KLF12: variants seen among roughly 807,000 people sequenced by gnomAD.
The protein encoded by KLF12 is Krueppel-like factor 12.
Under a neutral mutation model 37.8 loss-of-function variants are expected in KLF12, and 9 were observed. The ratio of observed to expected loss-of-function variants is 0.24; its 90% CI spans 0.14 to 0.42. KLF12 has a LOEUF of 0.42. Ranked by LOEUF, KLF12 falls within the 10% of genes least tolerant of loss-of-function variation. KLF12 has a pLI of 1.00. For synonymous variants in KLF12, 208 were observed against 202.1 expected (o/e 1.03, Z -0.25); for missense variants, 411 against 516.0 (o/e 0.80, Z 1.97).
chr13:74,083,880 C>A (rs1271224784), intron 1 of KLF12, among the ~76,000 whole-genome samples: 1 of 152,082 alleles, frequency 6.6e-6, no homozygotes, highest in Non-Finnish European at 1.5e-5. Flanking sequence ...CTTTGGAAAG[C>A]AGGTTGGCTT....
the KLF12 span, among the ~76,000 whole-genome samples, chr13:74,226,085 A>G: frequency 6.6e-6 from 1 of 152,106 alleles, no homozygotes; most frequent in Admixed American, 6.6e-5. Flanking sequence ...TTTTAAGCAG[A>G]TAAATGGTGG....
At chr13:74,249,653 G>A in the KLF12 span, among the ~76,000 whole-genome samples, 1 of 152,156 alleles carries the variant, frequency 6.6e-6, no homozygotes, top group Non-Finnish European at 1.5e-5. Context: ...GGAAACCTAT[G>A]GAACCTGAAA....
chr13:74,154,683 A>C, the KLF12 span, among the ~76,000 whole-genome samples: 1 of 152,170 alleles, frequency 6.6e-6, no homozygotes, highest in Non-Finnish European at 1.5e-5. Flanking sequence ...TGGATTACCC[A>C]CTAGCTGCGA....
intron 3 of KLF12, among the ~76,000 whole-genome samples, chr13:73,928,955 T>C (rs1566465515): frequency 6.6e-6 from 1 of 152,200 alleles, no homozygotes; most frequent in Admixed American, 6.5e-5. Flanking sequence ...GAAAATTCAA[T>C]ATTAGGATCA....
intron 5 of KLF12, among the ~76,000 whole-genome samples, chr13:73,774,607 A>T (rs190138887): frequency 1.1e-3 from 171 of 152,326 alleles, no homozygotes; most frequent in Middle Eastern, 0.01. Flanking sequence ...GAATAATTAT[A>T]CTATGAGGAT....
intron 3 of KLF12, among the ~76,000 whole-genome samples, chr13:73,869,129 TA>T (rs1257819590): frequency 2.6e-5 from 4 of 152,216 alleles, no homozygotes; most frequent in South Asian, 2.1e-4. Context: ...TATACAATTT[TA>T]AAAAAACTTA....
At chr13:74,238,058 A>G in the KLF12 span, among the ~76,000 whole-genome samples, 3 of 141,474 alleles carry the variant, frequency 2.1e-5, no homozygotes, top group Admixed American at 1.3e-4. Context: ...CCCATTCAGT[A>G]TGATATTGGC....
intron 1 of KLF12, among the ~76,000 whole-genome samples, chr13:74,074,159 AGT>A (rs547749105): frequency 6.6e-6 from 1 of 151,662 alleles, no homozygotes; most frequent in South Asian, 2.1e-4. Flanking sequence ...AGAGAGAGAG[AGT>A]GTGTGTGTGT....
intron 1 of KLF12, among the ~76,000 whole-genome samples, chr13:74,120,038 T>C (rs1365077199): frequency 6.6e-6 from 1 of 150,768 alleles, no homozygotes; most frequent in Non-Finnish European, 1.5e-5. Flanking sequence ...AATGAGAGGA[T>C]ACTGGAGCAA....
At chr13:73,980,589 A>G (rs1048123921) in intron 2 of KLF12, among the ~76,000 whole-genome samples, 2 of 152,214 alleles carry the variant, frequency 1.3e-5, no homozygotes, top group Admixed American at 1.3e-4. Flanking sequence ...CAGAGAAAAT[A>G]ATTTCTATAC....
intron 3 of KLF12, among the ~76,000 whole-genome samples, chr13:73,906,463 A>AT (rs1176821854): frequency 6.6e-6 from 1 of 151,736 alleles, no homozygotes; most frequent in South Asian, 2.1e-4. Context: ...AATCTATTCC[A>AT]TTTTTTTATT....
intron 7 of KLF12, among the ~76,000 whole-genome samples, chr13:73,699,887 G>C (rs747761098): frequency 2.0e-5 from 3 of 152,080 alleles, no homozygotes; most frequent in Admixed American, 6.5e-5. Context: ...ATAAACAATC[G>C]TGAAAAACAA....
chr13:73,697,065 CT>C (rs1874200924), intron 7 of KLF12, among the ~76,000 whole-genome samples: 1 of 148,570 alleles, frequency 6.7e-6, no homozygotes, highest in South Asian at 2.2e-4. Flanking sequence ...CAAGCAAGTA[CT>C]TGAATGTATT....
intron 3 of KLF12, among the ~76,000 whole-genome samples, chr13:73,897,719 G>C (rs568075288): frequency 6.6e-6 from 1 of 152,272 alleles, no homozygotes; most frequent in Non-Finnish European, 1.5e-5. Flanking sequence ...CTTCTTAACT[G>C]ATCTTCCAGG....
chr13:74,060,962 G>A (rs1873557397), intron 1 of KLF12, among the ~76,000 whole-genome samples: 1 of 152,148 alleles, frequency 6.6e-6, no homozygotes, highest in South Asian at 2.1e-4. Flanking sequence ...ACAAGGGTGA[G>A]GGGAATAGTA....
At chr13:74,237,682 G>C in the KLF12 span, among the ~76,000 whole-genome samples, 1 of 130,732 alleles carries the variant, frequency 7.6e-6, no homozygotes, top group African/African-American at 2.7e-5. Context: ...GGATTCCTAG[G>C]TATTTTATTC....
intron 3 of KLF12, among the ~76,000 whole-genome samples, chr13:73,907,457 T>C (rs907100344): frequency 1.3e-5 from 2 of 152,212 alleles, no homozygotes; most frequent in Non-Finnish European, 2.9e-5. Flanking sequence ...AGACCCACTT[T>C]CCTTCATGTA....
intron 1 of KLF12, among the ~76,000 whole-genome samples, chr13:74,011,636 C>G (rs1892554389): frequency 6.6e-6 from 1 of 152,146 alleles, no homozygotes; most frequent in Non-Finnish European, 1.5e-5. Context: ...AGACTAAGTA[C>G]TACATTAAAT....
chr13:73,728,521 A>G (rs1318473140), intron 6 of KLF12, among the ~76,000 whole-genome samples: 1 of 152,196 alleles, frequency 6.6e-6, no homozygotes, highest in Non-Finnish European at 1.5e-5. Flanking sequence ...TCTTAGGGTT[A>G]GGTGCTCAGT....
Sources: allele counts gnomAD v4.1 joint callset (sites outside exome capture counted in the v4.1 genomes callset), GRCh38; gene constraint gnomAD v4.1.1; transcripts MANE v1.5; gene names NCBI Gene and HGNC (gene_info 2026-07-23, HGNC 2026-07-21).